Variants in SUMF1 observed in about 807,000 individuals in gnomAD.
The protein encoded by SUMF1 is formylglycine-generating enzyme.
SUMF1 carries 48 observed loss-of-function variants against 47.6 expected under a neutral mutation model. That is an observed-to-expected ratio of 1.01 (90% CI 0.80 to 1.28). The LOEUF is 1.28. Among genes scored for constraint, SUMF1 ranks in the 50% most tolerant of loss-of-function variants. The pLI is 0.00. For synonymous variants in SUMF1, 230 were observed against 192.1 expected, an observed-to-expected ratio of 1.20 and a Z score of -1.63; for missense variants, 571 against 485.4, an observed-to-expected ratio of 1.18 and a Z score of -1.66.
intron 8 of SUMF1, among the ~76,000 whole-genome samples, chr3:4,205,746 G>A (rs1664084843): frequency 6.6e-6 from 1 of 152,156 alleles, no homozygotes; most frequent in Non-Finnish European, 1.5e-5. Flanking sequence ...ACCAGGCAGA[G>A]TCTCTTGTTC....
chr3:4,064,308 G>A (rs1005031207), intron 9 of SUMF1, among the ~76,000 whole-genome samples: 10 of 113,208 alleles, frequency 8.8e-5, no homozygotes, highest in Non-Finnish European at 1.3e-4. Flanking sequence ...TAACTATAAT[G>A]CGTTAGCATG....
Position 4,289,168 on chromosome 3 carries a change from T to C in SUMF1, c.1014+87162A>G, listed in dbSNP as rs111596591. ...CGAGGTTTCGGGAAAATGGGGAAGA[T>C]AGTGACAGAAAGGAAGCCTGAGAAA... On this transcript the variant is annotated intron_variant and NMD_transcript_variant, in intron 8 of 12. Transcript: ENST00000448413. Among the ~76,000 whole-genome samples, 508 of 152,226 alleles carry C rather than the reference T, an allele frequency of 3.3e-3. 1 individual carries two copies. The highest frequency in any genetic ancestry group is 4.3e-3 in the African/African-American group (180 of 41,540).
chr3:4,436,739 T>C (rs765719278), intron 3 of SUMF1, among the ~76,000 whole-genome samples: 1 of 151,398 alleles, frequency 6.6e-6, no homozygotes, highest in Non-Finnish European at 1.5e-5. Context: ...GAGATTAACA[T>C]GCTACAGATC....
chr3:4,343,509 T>C (rs1238707545), intron 8 of SUMF1, among the ~76,000 whole-genome samples: 4 of 152,226 alleles, frequency 2.6e-5, no homozygotes, highest in Non-Finnish European at 5.9e-5. Flanking sequence ...CAGGGTTGTA[T>C]TTCAGCCACA....
At chr3:4,369,561 C>G (rs986116979) in intron 8 of SUMF1, among the ~76,000 whole-genome samples, 1 of 152,192 alleles carries the variant, frequency 6.6e-6, no homozygotes, top group Non-Finnish European at 1.5e-5. Flanking sequence ...GGGAGCTACA[C>G]AGATGACATG....
At chr3:4,431,688 A>G (rs1244005993) in intron 3 of SUMF1, among the ~76,000 whole-genome samples, 1 of 152,208 alleles carries the variant, frequency 6.6e-6, no homozygotes, top group Admixed American at 6.5e-5. Flanking sequence ...GGCACAGAGC[A>G]GCCACCCCAC....
At chr3:4,256,354 T>G (rs1006358299) in intron 8 of SUMF1, among the ~76,000 whole-genome samples, 1 of 103,634 alleles carries the variant, frequency 9.6e-6, no homozygotes, top group Non-Finnish European at 2.1e-5. Context: ...ATCAACAAAA[T>G]TGATAGACCA....
chr3:4,347,856 T>C (rs1341366242), intron 8 of SUMF1, among the ~76,000 whole-genome samples: 1 of 152,154 alleles, frequency 6.6e-6, no homozygotes, highest in Admixed American at 6.5e-5. Flanking sequence ...AAAGTCAACG[T>C]GCAAAAATCA....
chr3:4,376,113 G>C (rs1160086943), intron 8 of SUMF1, among the ~76,000 whole-genome samples: 1 of 152,214 alleles, frequency 6.6e-6, no homozygotes, highest in African/African-American at 2.4e-5. Context: ...ATGAAATTTG[G>C]TTGACAATAG....
At chr3:4,392,415 GAGTT>G (rs2124933721) in intron 7 of SUMF1, among the ~76,000 whole-genome samples, 1 of 151,922 alleles carries the variant, frequency 6.6e-6, no homozygotes, top group East Asian at 1.9e-4. Context: ...GCCTACTTGG[GAGTT>G]AGTTTTAACT....
chr3:4,249,949 C>T (rs190510370), intron 8 of SUMF1, among the ~76,000 whole-genome samples: 86 of 152,150 alleles, frequency 5.7e-4, no homozygotes, highest in Middle Eastern at 6.8e-3. Context: ...TGGGGGAGGC[C>T]GAGGCAGGTA....
intron 3 of SUMF1, among the ~76,000 whole-genome samples, chr3:4,433,913 C>A (rs1387645831): frequency 6.6e-6 from 1 of 152,172 alleles, no homozygotes; most frequent in Non-Finnish European, 1.5e-5. Flanking sequence ...AATGACAGGT[C>A]AAGAGATATG....
intron 8 of SUMF1, among the ~76,000 whole-genome samples, chr3:4,091,067 C>T (rs778647489): frequency 4.0e-5 from 6 of 150,044 alleles, no homozygotes; most frequent in South Asian, 2.1e-4. Context: ...GGCGACAGAA[C>T]GAGACTCCAT....
intron 8 of SUMF1, among the ~76,000 whole-genome samples, chr3:4,249,293 T>G (rs1696739671): frequency 6.6e-6 from 1 of 152,188 alleles, no homozygotes; most frequent in Non-Finnish European, 1.5e-5. Flanking sequence ...CTGCTTCACT[T>G]TATTGTGTTT....
chr3:4,112,786 A>G (rs1240483731), intron 8 of SUMF1, among the ~76,000 whole-genome samples: 2 of 152,142 alleles, frequency 1.3e-5, no homozygotes, highest in Non-Finnish European at 2.9e-5. Flanking sequence ...CCACCCCACT[A>G]TCCAACAGAG....
At chr3:4,236,214 A>T (rs1227492161) in intron 8 of SUMF1, among the ~76,000 whole-genome samples, 1 of 152,112 alleles carries the variant, frequency 6.6e-6, no homozygotes, top group African/African-American at 2.4e-5. Flanking sequence ...TTTAAAAGCT[A>T]CAAAGGAAAC....
At chr3:4,350,095 T>G (rs2662121) in intron 8 of SUMF1, among the ~76,000 whole-genome samples, 75,787 of 150,948 alleles carry the variant, frequency 0.5, 22,034 homozygotes, top group African/African-American at 0.81. Flanking sequence ...CTGCCTTCCG[T>G]GTTTGAGCAA....
At chr3:4,435,432 A>G (rs1702365724) in intron 3 of SUMF1, among the ~76,000 whole-genome samples, 1 of 152,200 alleles carries the variant, frequency 6.6e-6, no homozygotes, top group South Asian at 2.1e-4. Context: ...AAGGTCTAAC[A>G]TTTATGCACT....
At chr3:4,083,887 G>C (rs1205648058) in intron 8 of SUMF1, among the ~76,000 whole-genome samples, 1 of 151,074 alleles carries the variant, frequency 6.6e-6, no homozygotes, top group African/African-American at 2.4e-5. Context: ...GGATTAAGGT[G>C]TTCACCAAAT....
Sources: gnomAD v4.1 joint callset for allele counts (sites outside exome capture counted in the v4.1 genomes callset) on GRCh38, gnomAD v4.1.1 for gene constraint, MANE v1.5 for transcripts, NCBI Gene and HGNC (gene_info 2026-07-23, HGNC 2026-07-21) for gene names.